Variants in CCDC181 observed in about 807,000 individuals in gnomAD.
The protein encoded by CCDC181 is coiled-coil domain-containing protein 181.
A neutral mutation model predicts 58.7 loss-of-function variants in CCDC181; 35 were observed. That is an observed-to-expected ratio of 0.60 (90% CI 0.46 to 0.79). The LOEUF (loss-of-function observed/expected upper bound fraction) is 0.79. Ranked by LOEUF, CCDC181 falls within the 30% of genes least tolerant of loss-of-function variation. CCDC181 has a pLI of 0.00. For synonymous variants in CCDC181, 183 were observed against 197.5 expected, an observed-to-expected ratio of 0.93 and a Z score of 0.62; for missense variants, 517 against 583.9, an observed-to-expected ratio of 0.89 and a Z score of 1.18.
At chr1:169,418,689 G>A (rs1656321795) in intron 4 of CCDC181, 1 of 332,738 alleles carries the variant, frequency 3.0e-6, no homozygotes, top group Non-Finnish European at 5.4e-6. Flanking sequence ...TCTTAAGTGA[G>A]ACCAGTCTCT....
intron 4 of CCDC181, among the ~76,000 whole-genome samples, chr1:169,407,646 C>T (rs2102060339): frequency 6.6e-6 from 1 of 152,228 alleles, no homozygotes; most frequent in South Asian, 2.1e-4. Flanking sequence ...GGCAAGATGG[C>T]CAAATAGGAA....
chr1:169,459,411 C>T (rs1657773583), intron 2 of CCDC181, among the ~76,000 whole-genome samples: 1 of 152,140 alleles, frequency 6.6e-6, no homozygotes, highest in Non-Finnish European at 1.5e-5. Flanking sequence ...AGCACCTTAG[C>T]CCCGGTCCAG....
Position 169,395,057 on chromosome 1 carries a change from T to C in CCDC181, c.1520A>G (p.His507Arg). 6.3e-7 allele frequency: 1 copy of C among 1,591,216 alleles called. No homozygotes were observed. Among genetic ancestry groups the C allele is most frequent in the South Asian group, 1.2e-5 (1 of 86,326 alleles). The change falls in exon 6 of 6, where the codon CAT (histidine) becomes CGT (arginine). Residue 507 changes from histidine to arginine, a missense_variant. Coordinates refer to ENST00000367806, the MANE Select transcript of CCDC181 (RefSeq NM_001300969.2). The part of the protein sequence containing the change: ...SEAKPFRFTD[H>R]YN ...ATTTAATAGAAACTTTCAGTTATAATGATCAGTAAAACGAAAAGGTTTGGC... is the reference window on the plus strand; with the variant it reads ...ATTTAATAGAAACTTTCAGTTATAACGATCAGTAAAACGAAAAGGTTTGGC...
chr1:169,399,390 A>T (rs1024770520), intron 4 of CCDC181, among the ~76,000 whole-genome samples: 2 of 152,208 alleles, frequency 1.3e-5, no homozygotes, highest in African/African-American at 2.4e-5. Context: ...GCTTTAAATG[A>T]TTATTTTTTA....
chr1:169,401,345 G>T (rs1031729515), intron 4 of CCDC181, among the ~76,000 whole-genome samples: 2 of 152,234 alleles, frequency 1.3e-5, no homozygotes, highest in Non-Finnish European at 2.9e-5. Flanking sequence ...AGGACAGACT[G>T]CCTCCTCAAG....
chr1:169,446,315 A>C (rs1657371988), intron 2 of CCDC181, among the ~76,000 whole-genome samples: 1 of 152,036 alleles, frequency 6.6e-6, no homozygotes, highest in Non-Finnish European at 1.5e-5. Context: ...ATGGTGGTGC[A>C]CGCCTGTAGT....
At chr1:169,438,050 C>T (rs1657104544) in intron 2 of CCDC181, among the ~76,000 whole-genome samples, 1 of 152,080 alleles carries the variant, frequency 6.6e-6, no homozygotes, top group African/African-American at 2.4e-5. Flanking sequence ...TTGTACCTCA[C>T]CAGCCTGCCA....
Position 169,435,422 on chromosome 1 carries a change from A to G in CCDC181, c.-23-10472T>C, listed in dbSNP as rs182174754. On this transcript the variant is annotated intron_variant, in intron 2 of 6. Transcript: ENST00000545005. The stretch of plus-strand genomic sequence containing the variant: ...TGTCAACAAAAAAGATGTTACAAGA[A>G]GTATTAATGGAATGGTGGGCAAACC... Among the ~76,000 whole-genome samples, 468 of 152,288 alleles carry G rather than the reference A, an allele frequency of 3.1e-3. 3 individuals carry two copies. Among genetic ancestry groups the G allele is most frequent in the Middle Eastern group, 0.01 (3 of 294 alleles).
chr1:169,448,166 C>T (rs1317988467), intron 2 of CCDC181, among the ~76,000 whole-genome samples: 1 of 152,146 alleles, frequency 6.6e-6, no homozygotes, highest in Non-Finnish European at 1.5e-5. Context: ...TCATCCACTC[C>T]ACTTATCCAT....
intron 2 of CCDC181, among the ~76,000 whole-genome samples, chr1:169,439,390 C>A (rs190972322): frequency 6.6e-6 from 1 of 152,232 alleles, no homozygotes; most frequent in African/African-American, 2.4e-5. Context: ...AGAACTATTT[C>A]TCTCTTGCAA....
intron 2 of CCDC181, among the ~76,000 whole-genome samples, chr1:169,457,847 T>C (rs1657720316): frequency 6.6e-6 from 1 of 152,204 alleles, no homozygotes; most frequent in Non-Finnish European, 1.5e-5. Context: ...GAAATCTGTG[T>C]GCCCCTTCTT....
chr1:169,402,547 A>C (rs1655410676), intron 4 of CCDC181, among the ~76,000 whole-genome samples: 1 of 152,174 alleles, frequency 6.6e-6, no homozygotes, highest in South Asian at 2.1e-4. Flanking sequence ...TTTCATATCC[A>C]GCCAAACTAA....
chr1:169,454,165 T>G (rs1418769306), intron 2 of CCDC181, among the ~76,000 whole-genome samples: 3 of 152,088 alleles, frequency 2.0e-5, no homozygotes, highest in Non-Finnish European at 2.9e-5. Context: ...CTTTTAGATG[T>G]ATTTTTTAAA....
At position 169,422,079 on chromosome 1, in the gene CCDC181, C is replaced by T. The variant is rs745433307; in HGVS notation, c.352G>A (p.Glu118Lys). The change falls in exon 3 of 6, where the codon GAA becomes AAA. Residue 118 changes from glutamate to lysine, a missense_variant. By Grantham distance (56) the Glu-to-Lys change is moderately conservative (BLOSUM62 1). Coordinates refer to ENST00000367806, the MANE Select transcript of CCDC181 (RefSeq NM_001300969.2). ...KLESQKDLEE[E>K]EDEEVRRYIM... The stretch of plus-strand genomic sequence containing the variant: ...TATCTCCTTACTTCCTCATCCTCTT[C>T]CTCCTCCAAGTCTTTCTGGCTTTCT... 1.2e-6 allele frequency: 2 copies of T among 1,613,726 alleles called. No individual in the cohort carries two copies. The highest frequency in any genetic ancestry group is 1.7e-4 in the Middle Eastern group (1 of 6,054).
At chr1:169,443,890 T>C (rs1056055071) in intron 2 of CCDC181, among the ~76,000 whole-genome samples, 2 of 152,158 alleles carry the variant, frequency 1.3e-5, no homozygotes, top group Admixed American at 6.6e-5. Context: ...GTCTCTCATA[T>C]TCATATTCAC....
intron 4 of CCDC181, among the ~76,000 whole-genome samples, chr1:169,405,442 C>T (rs1439436967): frequency 6.6e-6 from 1 of 152,190 alleles, no homozygotes; most frequent in African/African-American, 2.4e-5. Context: ...CAGCATGGTA[C>T]TGGTACCAAA....
intron 2 of CCDC181, among the ~76,000 whole-genome samples, chr1:169,438,936 A>G (rs924274985): frequency 1.3e-5 from 2 of 152,242 alleles, no homozygotes; most frequent in African/African-American, 4.8e-5. Context: ...CTCCAAGAGT[A>G]TCCCTTCCAA....
At chr1:169,441,883 G>T (rs1657238263) in intron 2 of CCDC181, among the ~76,000 whole-genome samples, 2 of 151,830 alleles carry the variant, frequency 1.3e-5, no homozygotes, top group Non-Finnish European at 2.9e-5. Flanking sequence ...TTTAATACTA[G>T]TTACGTGTAT....
chr1:169,442,069 A>G (rs1482263598), intron 2 of CCDC181, among the ~76,000 whole-genome samples: 1 of 152,120 alleles, frequency 6.6e-6, no homozygotes, highest in Non-Finnish European at 1.5e-5. Flanking sequence ...CACTTAGAAA[A>G]GCAATATTTA....
Sources: allele counts gnomAD v4.1 joint callset (sites outside exome capture counted in the v4.1 genomes callset), GRCh38; gene constraint gnomAD v4.1.1; transcripts MANE v1.5; gene names NCBI Gene and HGNC (gene_info 2026-07-23, HGNC 2026-07-21).